Variants in PTPRG observed in about 807,000 individuals in gnomAD.
The protein encoded by PTPRG is receptor-type tyrosine-protein phosphatase gamma.
PTPRG carries 102 observed loss-of-function variants against 165.3 expected under a neutral mutation model. The ratio of observed to expected loss-of-function variants is 0.62; its 90% CI spans 0.53 to 0.73. PTPRG has a LOEUF of 0.73. Among genes scored for constraint, PTPRG ranks in the 30% least tolerant of loss-of-function variants. The pLI is 0.00. For missense variants in PTPRG, 1,866 were observed against 1,861.4 expected (o/e 1.00, Z -0.05); for synonymous variants, 675 against 669.5 (o/e 1.01, Z -0.13).
At chr3:61,644,410 A>G (rs1335491701) in intron 1 of PTPRG, among the ~76,000 whole-genome samples, 1 of 152,216 alleles carries the variant, frequency 6.6e-6, no homozygotes, top group African/African-American at 2.4e-5. Flanking sequence ...AAGAACTAAC[A>G]TTAATCCCAG....
chr3:61,942,069 G>A (rs558757251), intron 2 of PTPRG, among the ~76,000 whole-genome samples: 70 of 151,698 alleles, frequency 4.6e-4, no homozygotes, highest in Non-Finnish European at 8.4e-4. Flanking sequence ...TGAGATAGGA[G>A]AGTCACTTGA....
At position 61,822,012 on chromosome 3, in the gene PTPRG, C is replaced by T. The variant is rs147538509; in HGVS notation, c.190+73030C>T. On this transcript the variant is annotated intron_variant, in intron 2 of 29. Coordinates refer to ENST00000474889, the MANE Select transcript of PTPRG (RefSeq NM_002841.4). ...GTAATCTATCTTCCTCCTTCATCATCAGGGATTAAGTAACTGCACCATGGA... is the reference window on the plus strand; with the variant it reads ...GTAATCTATCTTCCTCCTTCATCATTAGGGATTAAGTAACTGCACCATGGA... 9.5e-4 allele frequency among the ~76,000 whole-genome samples: 145 copies of T among 152,352 alleles called. 1 individual carries two copies. Among genetic ancestry groups the T allele is most frequent in the African/African-American group, 3.3e-3 (137 of 41,590 alleles).
chr3:61,565,395 G>A (rs950119403), intron 1 of PTPRG, among the ~76,000 whole-genome samples: 1 of 151,994 alleles, frequency 6.6e-6, no homozygotes, highest in African/African-American at 2.4e-5. Context: ...AAAATATAAT[G>A]GATCCCCCAC....
At chr3:61,917,514 C>T (rs2038969432) in intron 2 of PTPRG, among the ~76,000 whole-genome samples, 1 of 152,170 alleles carries the variant, frequency 6.6e-6, no homozygotes, top group South Asian at 2.1e-4. Context: ...ATACCTCTCA[C>T]ACAGGCGTTA....
chr3:61,789,753 G>C (rs1344250940), intron 2 of PTPRG, among the ~76,000 whole-genome samples: 1 of 152,176 alleles, frequency 6.6e-6, no homozygotes, highest in Admixed American at 6.5e-5. Flanking sequence ...GGTAATGGAA[G>C]TTTATTCACA....
chr3:61,840,461 C>A (rs2036592186), intron 2 of PTPRG, among the ~76,000 whole-genome samples: 1 of 152,086 alleles, frequency 6.6e-6, no homozygotes, highest in South Asian at 2.1e-4. Flanking sequence ...CTTAAGCTTT[C>A]TTCTATTAAA....
intron 16 of PTPRG, among the ~76,000 whole-genome samples, chr3:62,260,629 C>G (rs775997256): frequency 6.6e-6 from 1 of 152,088 alleles, no homozygotes; most frequent in Non-Finnish European, 1.5e-5. Flanking sequence ...TTATCAAGTT[C>G]TGAATAGGTA....
At chr3:61,852,483 C>T (rs1237026009) in intron 2 of PTPRG, among the ~76,000 whole-genome samples, 1 of 152,218 alleles carries the variant, frequency 6.6e-6, no homozygotes, top group African/African-American at 2.4e-5. Context: ...TTCGGATTTT[C>T]TTACCTGAAG....
intron 4 of PTPRG, among the ~76,000 whole-genome samples, chr3:62,072,248 T>C (rs1356964665): frequency 6.6e-6 from 1 of 152,208 alleles, no homozygotes; most frequent in Non-Finnish European, 1.5e-5. Flanking sequence ...CTTGACAGTA[T>C]TGGGATTCAT....
At chr3:62,242,501 A>G (rs1480243842) in intron 14 of PTPRG, among the ~76,000 whole-genome samples, 1 of 152,228 alleles carries the variant, frequency 6.6e-6, no homozygotes, top group Non-Finnish European at 1.5e-5. Flanking sequence ...ATCTGAAAAT[A>G]GGCACTGCTT....
chr3:62,168,547 G>T (rs371149395), intron 8 of PTPRG, among the ~76,000 whole-genome samples: 2 of 152,128 alleles, frequency 1.3e-5, no homozygotes, highest in East Asian at 1.9e-4. Flanking sequence ...CCCACTCCCC[G>T]CTTTGAAGGA....
In PTPRG at chr3:61,566,135, A is replaced by C. The variant is rs571606794; in HGVS notation, c.85+3763A>C. Among the ~76,000 whole-genome samples the C allele has an allele frequency of 5.1e-4, 77 of 152,360 alleles. 1 individual carries two copies. The highest frequency in any genetic ancestry group is 1.8e-3 in the African/African-American group (74 of 41,572). Reference sequence around the variant, plus strand: ...AACAGGGCCTTTTGGAAATAGGGGAAGTTGCTGTTGTTGCTGAAAGAAGAA... The same window carrying C: ...AACAGGGCCTTTTGGAAATAGGGGACGTTGCTGTTGTTGCTGAAAGAAGAA... On this transcript the variant is annotated intron_variant, in intron 1 of 29. Transcript: ENST00000474889.
intron 5 of PTPRG, among the ~76,000 whole-genome samples, chr3:62,100,085 T>A (rs1702239966): frequency 6.6e-6 from 1 of 152,084 alleles, no homozygotes; most frequent in Admixed American, 6.6e-5. Context: ...AATAATGTAA[T>A]TTTTAGATGA....
At position 61,562,436 on chromosome 3, in the gene PTPRG, G is replaced by T. The variant is rs1699782039; in HGVS notation, c.85+64G>T. The T allele has an allele frequency of 3.9e-6, 6 of 1,529,634 alleles. No individual in the cohort carries two copies. The South Asian group carries it at 4.5e-5, about 11-fold the overall frequency. The allele number at this position is 1,529,634 out of a possible 1,614,324, so 94.8% of individuals were successfully genotyped here. On this transcript the variant is annotated intron_variant, in intron 1 of 29. Transcript: ENST00000474889. ...CGCGCGTTGGGGATGCGGAGTTGTCGCCTGGGCGCGGAGCTCCGGCGCCCG... is the reference window on the plus strand; with the variant it reads ...CGCGCGTTGGGGATGCGGAGTTGTCTCCTGGGCGCGGAGCTCCGGCGCCCG...
intron 2 of PTPRG, among the ~76,000 whole-genome samples, chr3:61,752,866 A>T (rs561452928): frequency 3.5e-4 from 53 of 150,502 alleles, no homozygotes; most frequent in African/African-American, 1.3e-3. Flanking sequence ...TTTTTAGCAG[A>T]TGTTAGTCTG....
chr3:61,989,385 TTAAAGA>T (rs2040832020), intron 2 of PTPRG, among the ~76,000 whole-genome samples: 1 of 152,236 alleles, frequency 6.6e-6, no homozygotes, highest in African/African-American at 2.4e-5. Flanking sequence ...CTTAACCTGA[TTAAAGA>T]TAAAGTTAGC....
At chr3:61,765,647 G>A (rs1480795595) in intron 2 of PTPRG, among the ~76,000 whole-genome samples, 1 of 152,170 alleles carries the variant, frequency 6.6e-6, no homozygotes, top group Non-Finnish European at 1.5e-5. Context: ...GGAAACCAGA[G>A]CTGTGAATGG....
intron 28 of PTPRG, among the ~76,000 whole-genome samples, chr3:62,283,870 G>A (rs1340152612): frequency 6.6e-6 from 1 of 152,038 alleles, no homozygotes; most frequent in Non-Finnish European, 1.5e-5. Context: ...ATGTTGGCCT[G>A]ACTCTTGATT....
chr3:61,745,827 A>T (rs2033176282), intron 1 of PTPRG, among the ~76,000 whole-genome samples: 1 of 152,118 alleles, frequency 6.6e-6, no homozygotes, highest in South Asian at 2.1e-4. Context: ...CCTTTTATGG[A>T]TGGAGAAATT....
Sources: allele counts gnomAD v4.1 joint callset (sites outside exome capture counted in the v4.1 genomes callset), GRCh38; gene constraint gnomAD v4.1.1; transcripts MANE v1.5; gene names NCBI Gene and HGNC (gene_info 2026-07-23, HGNC 2026-07-21).